Variants in STEAP4 observed in about 807,000 individuals in gnomAD.
STEAP4 encodes metalloreductase STEAP4.
In STEAP4, 36 loss-of-function variants were observed where a neutral mutation model predicts 43.6. That is an observed-to-expected ratio of 0.83 (90% CI 0.63 to 1.09). The LOEUF (loss-of-function observed/expected upper bound fraction) is 1.09. Among genes scored for constraint, STEAP4 ranks in the 50% least tolerant of loss-of-function variants. The pLI is 0.00. For missense variants in STEAP4, 495 were observed against 546.5 expected (o/e 0.91, Z 0.94); for synonymous variants, 191 against 196.7 (o/e 0.97, Z 0.24).
In STEAP4 at chr7:88,289,231, T is replaced by G. The variant is rs546961290; in HGVS notation, c.-2-4960A>C. Among the ~76,000 whole-genome samples, 43 of 152,268 alleles carry G rather than the reference T, an allele frequency of 2.8e-4. No individual in the cohort carries two copies. The South Asian group carries it at 7.7e-3, about 27-fold the overall frequency. On this transcript the variant is annotated intron_variant, in intron 1 of 4. Coordinates refer to ENST00000380079, the MANE Select transcript of STEAP4 (RefSeq NM_024636.4). ...AGGGGCTGGAAGTACAAAAGTTTAC[T>G]CTGTGTCCCAGGCACAGTGTGAGAT...
At chr7:88,305,729 A>AT (rs1050117767) in intron 1 of STEAP4, among the ~76,000 whole-genome samples, 9 of 152,010 alleles carry the variant, frequency 5.9e-5, no homozygotes, top group African/African-American at 2.2e-4. Context: ...CATTAAGGAG[A>AT]TTTTCTATGT....
intron 1 of STEAP4, among the ~76,000 whole-genome samples, chr7:88,299,891 T>C (rs1853001004): frequency 6.6e-6 from 1 of 152,214 alleles, no homozygotes; most frequent in East Asian, 1.9e-4. Flanking sequence ...CAACCATTTT[T>C]AGAAATCTCT....
intron 1 of STEAP4, among the ~76,000 whole-genome samples, chr7:88,296,014 A>G (rs974994377): frequency 1.3e-5 from 2 of 151,522 alleles, no homozygotes; most frequent in Non-Finnish European, 2.9e-5. Flanking sequence ...CTTGGAAAAG[A>G]GAGAGTTCAA....
chr7:88,302,681 C>T (rs1563505477), intron 1 of STEAP4, among the ~76,000 whole-genome samples: 2 of 151,806 alleles, frequency 1.3e-5, no homozygotes, highest in South Asian at 2.1e-4. Flanking sequence ...TGGCCAGGTG[C>T]GGTCACTCAC....
At chr7:88,290,344 G>T in intron 1 of STEAP4, 1 of 152,022 alleles carries the variant, frequency 6.6e-6, no homozygotes, top group South Asian at 2.1e-4. Flanking sequence ...TTCATCATCT[G>T]TAAAATGAGG....
chr7:88,305,307 G>C (rs1853110020), intron 1 of STEAP4, among the ~76,000 whole-genome samples: 3 of 152,178 alleles, frequency 2.0e-5, no homozygotes, highest in Admixed American at 2.0e-4. Flanking sequence ...TGTTTTCTGG[G>C]TTGGCAGTGT....
intron 1 of STEAP4, among the ~76,000 whole-genome samples, chr7:88,297,827 A>G (rs1002437673): frequency 6.6e-6 from 1 of 152,200 alleles, no homozygotes; most frequent in Non-Finnish European, 1.5e-5. Flanking sequence ...ATAAGCTCAT[A>G]ATAAGTTGAA....
At position 88,271,911 on chromosome 7, in the gene STEAP4, T is replaced by C. The variant is rs1435375636; in HGVS notation, c.*7487A>G. ...GATACAGTTACAATTTTCATGCGTC[T>C]CATTATGAATGAAGTAGAATATATT... On this transcript the variant is annotated 3_prime_UTR_variant, in exon 5 of 5. Transcript: ENST00000380079. 1 of 152,228 alleles carries C rather than the reference T, an allele frequency of 6.6e-6. No individual in the cohort carries two copies. The highest frequency in any genetic ancestry group is 1.5e-5 in the Non-Finnish European group (1 of 68,036). The allele number at this position is 152,228 out of a possible 1,614,324, so 9.4% of individuals were successfully genotyped here. A position where few individuals can be genotyped will look rare whatever the true frequency, so the allele number is the denominator to read the frequency against.
rs550833463 is a variant in STEAP4, at chr7:88,279,695, C to T, written c.1150-67G>A. 100 of 1,287,048 alleles carry T rather than the reference C, an allele frequency of 7.8e-5. No individual in the cohort carries two copies. The African/African-American group carries it at 1.4e-3, about 18-fold the overall frequency. 79.7% of individuals were successfully genotyped at this position (1,287,048 alleles called of 1,614,324 possible). A position where few individuals can be genotyped will look rare whatever the true frequency, so the allele number is the denominator to read the frequency against. On this transcript the variant is annotated intron_variant, in intron 4 of 4. Coordinates refer to ENST00000380079, the MANE Select transcript of STEAP4 (RefSeq NM_024636.4). ...CATCTTAAAGTGAAACACTCTAAGC[C>T]AGTGACAGATATTTGTCAACAACCA...
intron 1 of STEAP4, chr7:88,292,989 G>A (rs1171198077): frequency 6.6e-6 from 1 of 152,144 alleles, no homozygotes; most frequent in Non-Finnish European, 1.5e-5. Flanking sequence ...TTCACCTACA[G>A]GTTTTTGTGT....
Position 88,278,116 on chromosome 7 carries a change from C to T in STEAP4, c.*1282G>A, listed in dbSNP as rs1852544961. The T allele has an allele frequency of 6.6e-6, 1 of 150,552 alleles. No homozygotes were observed. Among genetic ancestry groups the T allele is most frequent in the Admixed American group, 6.6e-5 (1 of 15,132 alleles). The allele number at this position is 150,552 out of a possible 1,614,324, so 9.3% of individuals were successfully genotyped here. Reference sequence around the variant, plus strand: ...GGCAGAAAAATGCCAAACTCAGTGCCTTTTAGTTATTTTGATATGTGGGAA... The same window carrying T: ...GGCAGAAAAATGCCAAACTCAGTGCTTTTTAGTTATTTTGATATGTGGGAA... On this transcript the variant is annotated 3_prime_UTR_variant, in exon 5 of 5. Coordinates refer to ENST00000380079, the MANE Select transcript of STEAP4 (RefSeq NM_024636.4).
At chr7:88,280,533 G>A (rs1852600526) in intron 4 of STEAP4, among the ~76,000 whole-genome samples, 1 of 152,204 alleles carries the variant, frequency 6.6e-6, no homozygotes, top group African/African-American at 2.4e-5. Flanking sequence ...AGAGCATTAA[G>A]TCTTCCGGTG....
intron 1 of STEAP4, among the ~76,000 whole-genome samples, chr7:88,301,398 A>T (rs1404309572): frequency 6.6e-6 from 1 of 152,080 alleles, no homozygotes; most frequent in Non-Finnish European, 1.5e-5. Context: ...TCCGCCTCCC[A>T]AGTAGCTGAG....
intron 3 of STEAP4, 96 bp from the exon 4 acceptor site, chr7:88,281,175 A>G (rs1852614880): frequency 1.1e-6 from 1 of 938,380 alleles, no homozygotes; most frequent in Non-Finnish European, 1.5e-6. Context: ...TTATTTGCTC[A>G]AAGCAAATTG....
Position 88,279,440 on chromosome 7 carries a change from A to G in STEAP4, c.1338T>C (p.Leu446=), listed in dbSNP as rs778542298. ...VLIMPCVDNT[L]TRIRQGWERN... Reference sequence around the variant, plus strand: ...TTTCCCAGCCCTGGCGGATCCTTGTAAGGGTGTTGTCTACACATGGCATGA... The same window carrying G: ...TTTCCCAGCCCTGGCGGATCCTTGTGAGGGTGTTGTCTACACATGGCATGA... Residue 446 remains leucine (L), a synonymous_variant, in exon 5 of 5, where the codon CTT becomes CTC. Coordinates refer to ENST00000380079, the MANE Select transcript of STEAP4 (RefSeq NM_024636.4). The G allele has an allele frequency of 6.2e-7, 1 of 1,614,102 alleles. No homozygotes were observed. Among genetic ancestry groups the G allele is most frequent in the Non-Finnish European group, 8.5e-7 (1 of 1,179,994 alleles).
chr7:88,278,356 T>C lies in STEAP4; in HGVS notation c.*1042A>G, dbSNP rs539961340. 6.6e-6 allele frequency: 1 copy of C among 152,234 alleles called. No individual in the cohort carries two copies. The highest frequency in any genetic ancestry group is 2.4e-5 in the African/African-American group (1 of 41,474). The allele number at this position is 152,234 out of a possible 1,614,324, so 9.4% of individuals were successfully genotyped here. The stretch of plus-strand genomic sequence containing the variant: ...CCGTAATTTTCGATCATCTATGCAT[T>C]GTTCAAATTTATACCTGCAGACTAT... On this transcript the variant is annotated 3_prime_UTR_variant, in exon 5 of 5. Transcript: ENST00000380079.
rs575303752 is a variant in STEAP4 at position 88,298,348 on chromosome 7, T to C, written c.-3+8444A>G. On this transcript the variant is annotated intron_variant, in intron 1 of 4. Transcript: ENST00000380079. ...GTCCACTGGAAAGAAACTTCAAGCTTGTGTATTAGTATCCCTTTTTAATTG... is the reference window on the plus strand; with the variant it reads ...GTCCACTGGAAAGAAACTTCAAGCTCGTGTATTAGTATCCCTTTTTAATTG... 8 of 152,188 alleles carry C rather than the reference T, an allele frequency of 5.3e-5. No individual in the cohort carries two copies. The East Asian group carries it at 1.5e-3, about 29-fold the overall frequency. The allele number at this position is 152,188 out of a possible 1,614,324, so 9.4% of individuals were successfully genotyped here.
intron 1 of STEAP4, among the ~76,000 whole-genome samples, chr7:88,301,426 CTACACCTAGCTAACGT>C (rs1458698071): frequency 1.3e-5 from 2 of 152,154 alleles, no homozygotes; most frequent in African/African-American, 4.8e-5. Flanking sequence ...GTATGCACTA[CTACACCTAGCTAACGT>C]TTTAATTTTT....
chr7:88,304,860 A>T (rs1853102950), intron 1 of STEAP4, among the ~76,000 whole-genome samples: 1 of 152,180 alleles, frequency 6.6e-6, no homozygotes, highest in African/African-American at 2.4e-5. Flanking sequence ...TATCCTTTTA[A>T]TAACAGTATT....
Sources: allele counts gnomAD v4.1 joint callset (sites outside exome capture counted in the v4.1 genomes callset), GRCh38; gene constraint gnomAD v4.1.1; transcripts MANE v1.5; gene names NCBI Gene and HGNC (gene_info 2026-07-23, HGNC 2026-07-21).